CAST: variants seen among roughly 807,000 people sequenced by gnomAD.
The protein encoded by CAST is calpastatin, also known as MIR583 host.
Under a neutral mutation model 119.6 loss-of-function variants are expected in CAST, and 76 were observed. That is an observed-to-expected ratio of 0.64 (90% confidence interval 0.53 to 0.77). The LOEUF (loss-of-function observed/expected upper bound fraction) is 0.77, where lower values mean the gene tolerates loss of function less well. Among genes scored for constraint, CAST ranks in the 30% least tolerant of loss-of-function variants. The pLI, the probability that CAST is intolerant of heterozygous loss-of-function variation, is 0.00. For synonymous variants in CAST, 319 were observed against 331.6 expected, an observed-to-expected ratio of 0.96 and a Z score of 0.41; for missense variants, 953 against 946.5, an observed-to-expected ratio of 1.01 and a Z score of -0.09.
intron 11 of CAST, among the ~76,000 whole-genome samples, chr5:96,738,193 A>G (rs1164817899): frequency 6.6e-6 from 1 of 152,134 alleles, no homozygotes; most frequent in Admixed American, 6.5e-5. Flanking sequence ...ATGGTGGTAC[A>G]CGCCTGTAAT....
chr5:96,750,039 A>G (rs575180463), intron 19 of CAST, among the ~76,000 whole-genome samples: 5 of 152,308 alleles, frequency 3.3e-5, no homozygotes, highest in African/African-American at 1.2e-4. Context: ...CTGTTAGTTC[A>G]GGGATTACAC....
the CAST span, among the ~76,000 whole-genome samples, chr5:96,485,029 C>A: frequency 6.6e-6 from 1 of 152,112 alleles, no homozygotes; most frequent in Non-Finnish European, 1.5e-5. Context: ...GAACTTCTAC[C>A]ACTTCTTATA....
chr5:96,231,065 AGTTT>A, the CAST span, among the ~76,000 whole-genome samples: 7 of 152,150 alleles, frequency 4.6e-5, no homozygotes, highest in Non-Finnish European at 1.0e-4. Flanking sequence ...CTTGGAAAAC[AGTTT>A]GGCAGTTTCT....
chr5:96,120,964 A>C, the CAST span, among the ~76,000 whole-genome samples: 1 of 151,950 alleles, frequency 6.6e-6, no homozygotes, highest in Non-Finnish European at 1.5e-5. Context: ...CTCGTGTTTC[A>C]ATACCACGTA....
the CAST span, among the ~76,000 whole-genome samples, chr5:96,116,458 T>C: frequency 6.6e-6 from 1 of 152,228 alleles, no homozygotes; most frequent in Non-Finnish European, 1.5e-5. Flanking sequence ...TTCTCTTGGG[T>C]AAATACCTAG....
chr5:96,077,018 C>T, the CAST span, among the ~76,000 whole-genome samples: 76 of 151,458 alleles, frequency 5.0e-4, no homozygotes, highest in South Asian at 8.3e-4. Flanking sequence ...TCTGTCTTGA[C>T]ATTAAAATTA....
At chr5:96,169,038 C>T in the CAST span, among the ~76,000 whole-genome samples, 7 of 152,174 alleles carry the variant, frequency 4.6e-5, no homozygotes, top group South Asian at 6.2e-4. Context: ...GGCTACAGGG[C>T]GCGGTCCCGG....
Position 96,548,101 on chromosome 5 carries a change from AGAGT to A in CAST, c.60+18226_60+18229del, listed in dbSNP as rs373568926. On this transcript the variant is annotated intron_variant, in intron 1 of 11. Transcript: ENST00000505143. ...TAGGTCCCCAGAAAGTAGACAATTC[AGAGT>A]GAGTATCCAAGTAATCTTCTCAAAG... 4.6e-3 allele frequency among the ~76,000 whole-genome samples: 701 copies of A among 152,358 alleles called. 5 individuals carry two copies. Among genetic ancestry groups the A allele is most frequent in the African/African-American group, 0.016 (663 of 41,584 alleles).
chr5:96,459,947 C>G, the CAST span, among the ~76,000 whole-genome samples: 8 of 152,160 alleles, frequency 5.3e-5, no homozygotes, highest in African/African-American at 1.9e-4. Flanking sequence ...TCTGCCCATA[C>G]CATACGGTAC....
At chr5:96,481,092 A>G in the CAST span, among the ~76,000 whole-genome samples, 1 of 148,912 alleles carries the variant, frequency 6.7e-6, no homozygotes, top group East Asian at 1.9e-4. Context: ...ATGTGGAGAG[A>G]AAAGCTCTCA....
chr5:96,721,843 T>C (rs1190643993), intron 3 of CAST, among the ~76,000 whole-genome samples: 5 of 152,162 alleles, frequency 3.3e-5, no homozygotes, highest in Non-Finnish European at 7.3e-5. Context: ...CAGGGGCTGA[T>C]TGCACCACTG....
At chr5:96,411,090 C>G in the CAST span, 29 of 861,084 alleles carry the variant, frequency 3.4e-5, no homozygotes, top group Non-Finnish European at 4.8e-5. Context: ...TTCTCAGAGA[C>G]AGCTATTTGG....
At chr5:96,139,522 A>G in the CAST span, among the ~76,000 whole-genome samples, 3 of 120,720 alleles carry the variant, frequency 2.5e-5, no homozygotes, top group Admixed American at 8.1e-5. Flanking sequence ...ATATATGTGT[A>G]TATATATACA....
chr5:96,051,791 T>TCA, the CAST span, among the ~76,000 whole-genome samples: 1 of 152,142 alleles, frequency 6.6e-6, no homozygotes, highest in South Asian at 2.1e-4. Context: ...GGAAACAAAA[T>TCA]GCCAATTCCA....
At position 96,534,789 on chromosome 5, in the gene CAST, GAAAGAAAGAAAGAAGA is replaced by G. The variant is rs1435630196; in HGVS notation, c.60+4912_60+4927del. Reference sequence around the variant, plus strand: ...AGAAAGAAAGAAAGAAAGAAAGAAAGAAAGAAAGAAAGAAGAAAGAAAGAAAGAAAGAAAAGAAAGA... The same window carrying G: ...AGAAAGAAAGAAAGAAAGAAAGAAAGAAGAAAGAAAGAAAGAAAAGAAAGA... On this transcript the variant is annotated intron_variant, in intron 1 of 11. Transcript: ENST00000505143. 2.1e-3 allele frequency among the ~76,000 whole-genome samples: 236 copies of G among 110,398 alleles called. 11 individuals are homozygous for G. The highest frequency in any genetic ancestry group is 6.2e-3 in the African/African-American group (180 of 28,830). 72.4% of individuals were successfully genotyped at this position (110,398 alleles called of 152,430 possible).
the CAST span, among the ~76,000 whole-genome samples, chr5:96,237,907 C>G: frequency 6.6e-6 from 1 of 151,882 alleles, no homozygotes; most frequent in African/African-American, 2.4e-5. Context: ...TTAATTCCTT[C>G]TTTTTGCTTC....
In CAST at chr5:96,602,372, G is replaced by T. The variant is rs891934072; in HGVS notation, c.60+72492G>T. On this transcript the variant is annotated intron_variant, in intron 1 of 11. Transcript: ENST00000505143. ...TGAAGCAGCGTCAGATAAGAGTCCT[G>T]CCCTCATAAAGCTTACATTCTGTGG... 2.5e-4 allele frequency among the ~76,000 whole-genome samples: 38 copies of T among 152,198 alleles called. 1 individual carries two copies. The highest frequency in any genetic ancestry group is 1.3e-4 in the Non-Finnish European group (9 of 68,030).
the CAST span, among the ~76,000 whole-genome samples, chr5:96,424,016 C>G: frequency 6.6e-6 from 1 of 152,292 alleles, no homozygotes; most frequent in South Asian, 2.1e-4. Flanking sequence ...GGGTAAGTGT[C>G]TGTGAGAGGA....
the CAST span, chr5:96,393,142 C>T: frequency 6.2e-7 from 1 of 1,614,136 alleles, no homozygotes; most frequent in Non-Finnish European, 8.5e-7. Flanking sequence ...AAGGTTTGTT[C>T]AGCTTTTCCA....
Sources: allele counts gnomAD v4.1 joint callset (sites outside exome capture counted in the v4.1 genomes callset), GRCh38; gene constraint gnomAD v4.1.1; transcripts MANE v1.5; gene names NCBI Gene and HGNC (gene_info 2026-07-23, HGNC 2026-07-21).